IPO11: variants seen among roughly 807,000 people sequenced by gnomAD.
The protein encoded by IPO11 is importin-11.
IPO11 carries 66 observed loss-of-function variants against 143.2 expected under a neutral mutation model. That is an observed-to-expected ratio of 0.46 (90% CI 0.38 to 0.57). The LOEUF is 0.57. Among genes scored for constraint, IPO11 ranks in the 20% least tolerant of loss-of-function variants. The pLI is 0.00. For missense variants in IPO11, 1,026 were observed against 1,141.0 expected (o/e 0.90, Z 1.45); for synonymous variants, 385 against 377.8 (o/e 1.02, Z -0.22).
chr5:62,544,371 G>A (rs1290371336), intron 24 of IPO11, among the ~76,000 whole-genome samples: 1 of 152,088 alleles, frequency 6.6e-6, no homozygotes, highest in African/African-American at 2.4e-5. Context: ...TATCTCAATA[G>A]ATGCAGAAAA....
At chr5:62,524,536 G>C (rs766376077) in intron 20 of IPO11, among the ~76,000 whole-genome samples, 32 of 152,040 alleles carry the variant, frequency 2.1e-4, no homozygotes, top group Non-Finnish European at 3.1e-4. Flanking sequence ...GCTATGGAGA[G>C]TGAAATTGAA....
At chr5:62,583,698 G>C (rs1054326908) in intron 27 of IPO11, among the ~76,000 whole-genome samples, 2 of 152,162 alleles carry the variant, frequency 1.3e-5, no homozygotes, top group Admixed American at 6.5e-5. Context: ...TTGTTTGGTA[G>C]TTGTACAGTT....
At chr5:62,513,240 G>A (rs1741836494) in intron 19 of IPO11, among the ~76,000 whole-genome samples, 2 of 151,922 alleles carry the variant, frequency 1.3e-5, no homozygotes, top group African/African-American at 4.8e-5. Flanking sequence ...CCTCCCAGAC[G>A]GGGCGGGTGG....
At chr5:62,607,308 T>C (rs1282982738) in intron 29 of IPO11, among the ~76,000 whole-genome samples, 1 of 152,162 alleles carries the variant, frequency 6.6e-6, no homozygotes, top group Non-Finnish European at 1.5e-5. Context: ...TTTCATAAGG[T>C]TTTCTGGAAA....
chr5:62,435,170 A>T (rs71592697), intron 1 of IPO11, among the ~76,000 whole-genome samples: 5 of 103,386 alleles, frequency 4.8e-5, no homozygotes, highest in Admixed American at 4.2e-4. Context: ...ATGTATATAT[A>T]TGTATATATG....
At chr5:62,554,012 T>G (rs568548586) in intron 26 of IPO11, among the ~76,000 whole-genome samples, 3 of 152,312 alleles carry the variant, frequency 2.0e-5, no homozygotes, top group Admixed American at 6.5e-5. Flanking sequence ...ATTACAAGTG[T>G]GAGTCACTGC....
chr5:62,504,772 G>T (rs1252966816), intron 17 of IPO11, 72 bp downstream of exon 17: 14 of 1,340,026 alleles, frequency 1.0e-5, no homozygotes, highest in Non-Finnish European at 1.4e-5. Context: ...TTTATTTTGT[G>T]AAATTAATTT....
At chr5:62,474,679 G>A (rs986805545) in intron 8 of IPO11, among the ~76,000 whole-genome samples, 3 of 152,160 alleles carry the variant, frequency 2.0e-5, no homozygotes, top group African/African-American at 7.2e-5. Context: ...GCTAAAATGA[G>A]TATTTTGTAT....
At chr5:62,579,938 G>T (rs1234170970) in intron 27 of IPO11, 9 of 1,551,212 alleles carry the variant, frequency 5.8e-6, no homozygotes, top group Non-Finnish European at 6.1e-6. Flanking sequence ...CAAAGGAATC[G>T]CCTCACTGTC....
At chr5:62,440,094 C>T (rs1306763509) in intron 2 of IPO11, among the ~76,000 whole-genome samples, 1 of 152,150 alleles carries the variant, frequency 6.6e-6, no homozygotes, top group Non-Finnish European at 1.5e-5. Context: ...TTGCCAGGCA[C>T]TGTGCTAGAT....
chr5:62,499,569 CTTTTTTTT>C (rs35545041), intron 16 of IPO11, among the ~76,000 whole-genome samples: 15 of 100,092 alleles, frequency 1.5e-4, no homozygotes, highest in African/African-American at 4.2e-4. Flanking sequence ...CTTACTCTAA[CTTTTTTTT>C]TTTTTTTTTT....
chr5:62,615,190 A>G (rs964753985), intron 29 of IPO11, among the ~76,000 whole-genome samples: 1 of 152,176 alleles, frequency 6.6e-6, no homozygotes, highest in African/African-American at 2.4e-5. Flanking sequence ...TCGAGTTTCC[A>G]GGCTTGAGGG....
chr5:62,557,701 G>T (rs531464049), intron 26 of IPO11, among the ~76,000 whole-genome samples: 1 of 152,160 alleles, frequency 6.6e-6, no homozygotes, highest in Non-Finnish European at 1.5e-5. Flanking sequence ...ACTTCATTGT[G>T]CTGGTACCTA....
chr5:62,513,244 C>T (rs1352355114), intron 19 of IPO11, among the ~76,000 whole-genome samples: 47 of 151,462 alleles, frequency 3.1e-4, no homozygotes, highest in African/African-American at 1.0e-3. Context: ...CCAGACGGGG[C>T]GGGTGGCCGG....
Position 62,551,279 on chromosome 5 carries a change from A to G in IPO11, c.2403A>G (p.Gln801=), listed in dbSNP as rs776233900. 2 of 1,611,088 alleles carry G rather than the reference A, an allele frequency of 1.2e-6. No individual in the cohort carries two copies. The highest frequency in any genetic ancestry group is 1.7e-6 in the Non-Finnish European group (2 of 1,178,346). The change falls in exon 26 of 30, where the codon CAA becomes CAG. Residue 801 remains glutamine (Q), a synonymous_variant. Coordinates refer to ENST00000325324, the MANE Select transcript of IPO11 (RefSeq NM_016338.5). ...YLGVMGRVLL[Q]NTSFFSSLLN... is the part of the protein sequence containing the mutation. ...GAGTTATGGGTCGAGTTCTACTACA[A>G]AACACTAGTTTTTTTTCTTCACTAC...
At chr5:62,579,713 A>C in intron 27 of IPO11, 1 of 1,548,614 alleles carries the variant, frequency 6.5e-7, no homozygotes, top group Middle Eastern at 1.7e-4. Context: ...TTGTATTTGG[A>C]TAATTCTAAC....
At chr5:62,442,189 C>A (rs1166475544) in intron 2 of IPO11, among the ~76,000 whole-genome samples, 1 of 152,142 alleles carries the variant, frequency 6.6e-6, no homozygotes, top group Non-Finnish European at 1.5e-5. Context: ...AAGGAGGGTA[C>A]TATGAAATAG....
intron 28 of IPO11, among the ~76,000 whole-genome samples, chr5:62,594,712 T>A (rs138920750): frequency 4.9e-4 from 75 of 152,358 alleles, no homozygotes; most frequent in African/African-American, 1.8e-3. Flanking sequence ...ATCATCTTTT[T>A]ATTCAAACTG....
chr5:62,439,991 A>G (rs1213759839), intron 2 of IPO11, among the ~76,000 whole-genome samples: 1 of 152,210 alleles, frequency 6.6e-6, no homozygotes, highest in Non-Finnish European at 1.5e-5. Flanking sequence ...TATTTGAGAT[A>G]GACTGAGTGA....
Sources: gnomAD v4.1 joint callset for allele counts (sites outside exome capture counted in the v4.1 genomes callset) on GRCh38, gnomAD v4.1.1 for gene constraint, MANE v1.5 for transcripts, NCBI Gene and HGNC (gene_info 2026-07-23, HGNC 2026-07-21) for gene names.